The following SPATA16 variants were observed in gnomAD, a reference collection of about 807,000 sequenced individuals.
SPATA16 encodes spermatogenesis associated 16.
In SPATA16, 36 loss-of-function variants were observed where a neutral mutation model predicts 63.3. The ratio of observed to expected loss-of-function variants is 0.57; its 90% CI spans 0.44 to 0.75. The LOEUF (loss-of-function observed/expected upper bound fraction) is 0.75. Ranked by LOEUF, SPATA16 falls within the 30% of genes least tolerant of loss-of-function variation. SPATA16 has a pLI of 0.00. For missense variants in SPATA16, 646 were observed against 679.3 expected (o/e 0.95, Z 0.54); for synonymous variants, 203 against 216.7 (o/e 0.94, Z 0.56).
intron 10 of SPATA16, among the ~76,000 whole-genome samples, chr3:172,908,578 A>G (rs1732293222): frequency 6.6e-6 from 1 of 152,210 alleles, no homozygotes; most frequent in African/African-American, 2.4e-5. Context: ...CATGAATCAG[A>G]TTTCATCTTG....
chr3:173,047,884 T>G (rs1488645156), intron 3 of SPATA16, among the ~76,000 whole-genome samples: 3 of 152,072 alleles, frequency 2.0e-5, no homozygotes, highest in African/African-American at 4.8e-5. Context: ...CAGGTTGTCT[T>G]GTGAATTTCA....
intron 2 of SPATA16, among the ~76,000 whole-genome samples, chr3:173,072,385 T>G (rs1736695652): frequency 6.6e-6 from 1 of 151,992 alleles, no homozygotes; most frequent in Admixed American, 6.5e-5. Context: ...AATACAAAGG[T>G]GGTGATATGG....
intron 2 of SPATA16, among the ~76,000 whole-genome samples, chr3:173,113,429 G>C (rs11709031): frequency 0.13 from 20,169 of 152,000 alleles, 1,442 homozygotes; most frequent in African/African-American, 0.18. Flanking sequence ...CCACATAACT[G>C]GTTCACCTTT....
At chr3:173,129,875 T>C (rs1738324068) in intron 1 of SPATA16, among the ~76,000 whole-genome samples, 1 of 152,090 alleles carries the variant, frequency 6.6e-6, no homozygotes, top group Non-Finnish European at 1.5e-5. Context: ...CATGATCCAC[T>C]GGAATGGGTA....
chr3:172,891,167 A>C (rs1041631770), intron 10 of SPATA16, among the ~76,000 whole-genome samples: 1 of 152,172 alleles, frequency 6.6e-6, no homozygotes, highest in African/African-American at 2.4e-5. Context: ...CATTTAAATC[A>C]AAGTTCTTTA....
intron 2 of SPATA16, among the ~76,000 whole-genome samples, chr3:173,064,320 C>CAAAAAAAA (rs59773490): frequency 0.14 from 7,768 of 56,778 alleles, 333 homozygotes; most frequent in African/African-American, 0.17. Context: ...ACACGCACAC[C>CAAAAAAAA]AAAAAAAAAA....
In SPATA16 at chr3:173,044,217, T is replaced by C. The variant is rs75129920; in HGVS notation, c.758+4732A>G. On this transcript the variant is annotated intron_variant, in intron 3 of 10. Transcript: ENST00000351008. ...TTCTCTGAGACTTCAATTACATGTA[T>C]GTTAGATTTCTTGTTACTATCCCTG... Among the ~76,000 whole-genome samples the C allele has an allele frequency of 6.7e-3, 1,023 of 152,244 alleles. 14 individuals carry two copies. Among genetic ancestry groups the C allele is most frequent in the African/African-American group, 0.023 (961 of 41,560 alleles).
At chr3:172,894,425 T>C (rs1468480708) in intron 10 of SPATA16, among the ~76,000 whole-genome samples, 1 of 151,732 alleles carries the variant, frequency 6.6e-6, no homozygotes, top group Non-Finnish European at 1.5e-5. Flanking sequence ...TATTATTTAG[T>C]ATTTTAGTCA....
chr3:172,913,780 T>TCA lies in SPATA16; in HGVS notation c.1504-38_1504-37dup, dbSNP rs530853156. 1.6e-4 allele frequency: 250 copies of TCA among 1,563,884 alleles called. 1 individual carries two copies. In the East Asian group the frequency reaches 5.3e-3, roughly 33 times the overall value. Reference sequence around the variant, plus strand: ...AAGATAAAAATTATCAGTGTGGAATTCACACAGAAATAACTTCTCTAAATA... The same window carrying TCA: ...AAGATAAAAATTATCAGTGTGGAATTCACACACAGAAATAACTTCTCTAAATA... On this transcript the variant is annotated intron_variant, in intron 9 of 10. Coordinates refer to ENST00000351008, the MANE Select transcript of SPATA16 (RefSeq NM_031955.6).
chr3:173,010,363 G>A (rs1488771785), intron 4 of SPATA16, among the ~76,000 whole-genome samples: 3 of 152,086 alleles, frequency 2.0e-5, no homozygotes, highest in African/African-American at 7.2e-5. Flanking sequence ...ACGTTGCTCT[G>A]TTACAAGGCC....
At chr3:172,899,573 T>C (rs188145433) in intron 10 of SPATA16, among the ~76,000 whole-genome samples, 102 of 152,190 alleles carry the variant, frequency 6.7e-4, no homozygotes, top group African/African-American at 2.3e-3. Context: ...TATTCTGAAG[T>C]CTATTTTGCC....
intron 5 of SPATA16, among the ~76,000 whole-genome samples, chr3:172,971,933 G>A (rs920589278): frequency 3.9e-5 from 6 of 152,092 alleles, no homozygotes; most frequent in Non-Finnish European, 7.4e-5. Flanking sequence ...TTAGCCTGTG[G>A]TCTGTGAACC....
chr3:173,071,930 G>A (rs2108307718), intron 2 of SPATA16, among the ~76,000 whole-genome samples: 1 of 152,286 alleles, frequency 6.6e-6, no homozygotes. Flanking sequence ...TGCTGGTGAG[G>A]CCATGTAGAA....
chr3:172,986,592 C>G (rs1734464701), intron 4 of SPATA16, among the ~76,000 whole-genome samples: 2 of 152,116 alleles, frequency 1.3e-5, no homozygotes, highest in Admixed American at 1.3e-4. Flanking sequence ...GCTTAGCACA[C>G]AGCTTGAACA....
intron 1 of SPATA16, among the ~76,000 whole-genome samples, chr3:173,131,218 A>G (rs1209932693): frequency 6.6e-6 from 1 of 152,230 alleles, no homozygotes; most frequent in Non-Finnish European, 1.5e-5. Context: ...TACTATTTTA[A>G]CAAATGGAAC....
chr3:172,973,075 T>C (rs897574108), intron 5 of SPATA16, among the ~76,000 whole-genome samples: 1 of 152,206 alleles, frequency 6.6e-6, no homozygotes, highest in African/African-American at 2.4e-5. Flanking sequence ...TTACCCGTTA[T>C]TGACATTAAA....
At chr3:173,070,811 AG>A (rs1205485401) in intron 2 of SPATA16, among the ~76,000 whole-genome samples, 2 of 152,220 alleles carry the variant, frequency 1.3e-5, no homozygotes, top group Non-Finnish European at 2.9e-5. Flanking sequence ...GAAATTGAAG[AG>A]GACACAAAAC....
chr3:173,123,145 A>C (rs1738128124), intron 1 of SPATA16, among the ~76,000 whole-genome samples: 1 of 152,252 alleles, frequency 6.6e-6, no homozygotes, highest in South Asian at 2.1e-4. Context: ...GTATTTTAAG[A>C]AATGCAAAAT....
chr3:173,023,609 G>A (rs1029882904), intron 3 of SPATA16, among the ~76,000 whole-genome samples: 4 of 151,694 alleles, frequency 2.6e-5, no homozygotes, highest in Non-Finnish European at 4.4e-5. Context: ...AGGAAGAATA[G>A]ACATTTTTAT....
Sources: gnomAD v4.1 joint callset for allele counts (sites outside exome capture counted in the v4.1 genomes callset) on GRCh38, gnomAD v4.1.1 for gene constraint, MANE v1.5 for transcripts, NCBI Gene and HGNC (gene_info 2026-07-23, HGNC 2026-07-21) for gene names.